LRRC36: variants seen among roughly 807,000 people sequenced by gnomAD.
LRRC36 encodes the protein leucine rich repeat containing 36, also known as leucine-rich repeat-containing protein 36.
A neutral mutation model predicts 81.1 loss-of-function variants in LRRC36; 62 were observed. That is an observed-to-expected ratio of 0.76 (90% CI 0.62 to 0.94). The LOEUF is 0.94. LRRC36 is among the 40% of genes least tolerant of loss of function. The pLI is 0.00. For synonymous variants in LRRC36, 334 were observed against 348.6 expected (o/e 0.96, Z 0.47); for missense variants, 761 against 881.7 (o/e 0.86, Z 1.73).
chr16:67,340,040 G>C (rs1171993538), intron 1 of LRRC36, among the ~76,000 whole-genome samples: 1 of 152,130 alleles, frequency 6.6e-6, no homozygotes, highest in Non-Finnish European at 1.5e-5. Context: ...TACTTGGGAG[G>C]CTGAGGCAGG....
chr16:67,341,050 ACTC>A lies in LRRC36; in HGVS notation c.71-906_71-904del, dbSNP rs2038038904. ...ACTCTACATATTCTATAGAATATGTACTCTACATATTCTATAGAATATGTACTC... is the reference window on the plus strand; with the variant it reads ...ACTCTACATATTCTATAGAATATGTATACATATTCTATAGAATATGTACTC... On this transcript the variant is annotated intron_variant, in intron 1 of 13. Transcript: ENST00000329956. Among the ~76,000 whole-genome samples, 12 of 120,850 alleles carry A rather than the reference ACTC, an allele frequency of 9.9e-5. 3 individuals are homozygous for A. The highest frequency in any genetic ancestry group is 4.1e-4 in the African/African-American group (12 of 29,084). 79.3% of individuals were successfully genotyped at this position (120,850 alleles called of 152,430 possible).
chr16:67,378,559 T>C (rs888168019), intron 11 of LRRC36, 30 bp from the exon 12 acceptor site: 3 of 1,609,496 alleles, frequency 1.9e-6, no homozygotes, highest in Non-Finnish European at 2.5e-6. Flanking sequence ...AGATTCTTAA[T>C]GTATTTGTAT....
At chr16:67,349,138 CAG>C (rs1252783955) in intron 4 of LRRC36, among the ~76,000 whole-genome samples, 1 of 152,106 alleles carries the variant, frequency 6.6e-6, no homozygotes, top group East Asian at 1.9e-4. Flanking sequence ...TACAAAAATA[CAG>C]AGATTAATTA....
chr16:67,365,757 T>C (rs886250644), intron 7 of LRRC36, among the ~76,000 whole-genome samples: 8 of 152,188 alleles, frequency 5.3e-5, no homozygotes, highest in African/African-American at 1.9e-4. Context: ...ATACCTTAAG[T>C]CTTCTTTTGG....
At chr16:67,333,746 AAATT>A (rs1235277084) in intron 1 of LRRC36, among the ~76,000 whole-genome samples, 9 of 152,172 alleles carry the variant, frequency 5.9e-5, no homozygotes, top group African/African-American at 1.9e-4. Context: ...TTTTTTAAAA[AAATT>A]AATAGACTTT....
chr16:67,376,596 C>A, intron 10 of LRRC36, 131 bp from the exon 11 acceptor site: 1 of 899,128 alleles, frequency 1.1e-6, no homozygotes, highest in Non-Finnish European at 1.7e-6. Context: ...CTTTCTGCCA[C>A]TTACTAAGTT....
In LRRC36 at chr16:67,385,168, T is replaced by C; in HGVS notation, c.*79T>C. The C allele has an allele frequency of 9.8e-7, 1 of 1,019,134 alleles. No homozygotes were observed. The highest frequency in any genetic ancestry group is 1.5e-6 in the Non-Finnish European group (1 of 666,518). The allele number at this position is 1,019,134 out of a possible 1,614,324, so 63.1% of individuals were successfully genotyped here. On this transcript the variant is annotated 3_prime_UTR_variant, in exon 14 of 14. Coordinates refer to ENST00000329956, the MANE Select transcript of LRRC36 (RefSeq NM_018296.6). ...CCATTGCCACCAGTATGGTGGTATG[T>C]ACTCACAAAGATTAAGAAAGAAATG...
chr16:67,342,106 C>A (rs751889101), intron 2 of LRRC36, 22 bp downstream of exon 2: 4 of 1,513,512 alleles, frequency 2.6e-6, no homozygotes, highest in Non-Finnish European at 8.9e-7. Context: ...ATTCTATGAC[C>A]AGCCAGGTCT....
chr16:67,343,392 T>G (rs931293644), intron 2 of LRRC36, among the ~76,000 whole-genome samples: 2 of 151,850 alleles, frequency 1.3e-5, no homozygotes, highest in South Asian at 4.2e-4. Flanking sequence ...GAGACCCCTA[T>G]CTCTATTTTA....
chr16:67,376,327 GAAAA>G (rs1004550428), intron 10 of LRRC36, among the ~76,000 whole-genome samples: 1 of 151,374 alleles, frequency 6.6e-6, no homozygotes, highest in South Asian at 2.1e-4. Flanking sequence ...ACAAACAAAT[GAAAA>G]AAACAAAAAA....
chr16:67,385,096 C>T lies in LRRC36; in HGVS notation c.*7C>T, dbSNP rs780165094. ...CCCAGAGCCTGGCTTATAGAGCTAG[C>T]ATGGAACTCACACCACAGCTTCCCT... On this transcript the variant is annotated 3_prime_UTR_variant, in exon 14 of 14. Transcript: ENST00000329956. 1.2e-6 allele frequency: 2 copies of T among 1,607,540 alleles called. No homozygotes were observed. Among genetic ancestry groups the T allele is most frequent in the South Asian group, 2.2e-5 (2 of 90,902 alleles).
At chr16:67,381,231 A>G (rs891475010) in intron 12 of LRRC36, among the ~76,000 whole-genome samples, 6 of 93,870 alleles carry the variant, frequency 6.4e-5, no homozygotes, top group South Asian at 3.1e-4. Flanking sequence ...TCTGCCTCAG[A>G]AAAAAAAAAA....
At chr16:67,371,953 A>G (rs2039664050) in intron 9 of LRRC36, 1 of 152,722 alleles carries the variant, frequency 6.5e-6, no homozygotes, top group African/African-American at 2.4e-5. Flanking sequence ...TTTCCAATGT[A>G]GAAGCAAACA....
At position 67,351,429 on chromosome 16, in the gene LRRC36, G is replaced by A. The variant is rs12600297; in HGVS notation, c.577+1139G>A. 4.8e-3 allele frequency among the ~76,000 whole-genome samples: 735 copies of A among 152,162 alleles called. 28 individuals are homozygous for A. The highest frequency in any genetic ancestry group is 0.045 in the Admixed American group (682 of 15,260). On this transcript the variant is annotated intron_variant, in intron 5 of 13. Coordinates refer to ENST00000329956, the MANE Select transcript of LRRC36 (RefSeq NM_018296.6). ...TTTGTGATAAAATGAGACACGGGCC[G>A]GGCATGGTGGCTCACACCTGTAATC...
At chr16:67,362,055 A>G (rs553046791) in intron 5 of LRRC36, 6 of 316,120 alleles carry the variant, frequency 1.9e-5, no homozygotes, top group Non-Finnish European at 3.1e-5. Flanking sequence ...ACATACGGAT[A>G]CCCTATTTCT....
intron 7 of LRRC36, among the ~76,000 whole-genome samples, chr16:67,366,332 G>A (rs1031223063): frequency 2.0e-5 from 3 of 151,720 alleles, no homozygotes; most frequent in Non-Finnish European, 2.9e-5. Context: ...AATTTTTTTC[G>A]GACCAGGCAC....
intron 2 of LRRC36, among the ~76,000 whole-genome samples, chr16:67,343,253 A>G (rs1232847310): frequency 1.3e-5 from 2 of 152,088 alleles, no homozygotes; most frequent in African/African-American, 2.4e-5. Context: ...AAACTGGGTG[A>G]AAAACTTAGG....
rs750836132 is a variant in LRRC36, at chr16:67,367,330, C to T, written c.1068C>T (p.Asn356=). The T allele has an allele frequency of 1.2e-6, 2 of 1,614,014 alleles. No homozygotes were observed. Among genetic ancestry groups the T allele is most frequent in the Admixed American group, 1.7e-5 (1 of 60,000 alleles). The stretch of plus-strand genomic sequence containing the variant: ...GTAAAAGGCCTCAGAGAAGCAAGAA[C>T]TATCAAGAGTATAGCATAAAGCCTT... ...SLGKRPQRSK[N]YQEYSIKPSN... Residue 356 remains asparagine, a synonymous_variant, in exon 8 of 14, where the codon AAC becomes AAT. Transcript: ENST00000329956.
intron 5 of LRRC36, among the ~76,000 whole-genome samples, chr16:67,357,129 C>T (rs1019725762): frequency 2.0e-5 from 3 of 151,906 alleles, no homozygotes; most frequent in East Asian, 1.9e-4. Flanking sequence ...CTGGAGGATA[C>T]GAAAATAAAG....
Sources: allele counts gnomAD v4.1 joint callset (sites outside exome capture counted in the v4.1 genomes callset), GRCh38; gene constraint gnomAD v4.1.1; transcripts MANE v1.5; gene names NCBI Gene and HGNC (gene_info 2026-07-23, HGNC 2026-07-21).